Variants in TLE4 observed in about 807,000 individuals in gnomAD.
TLE4 encodes transducin-like enhancer protein 4.
Under a neutral mutation model 92.8 loss-of-function variants are expected in TLE4, and 8 were observed. The ratio of observed to expected loss-of-function variants is 0.09; its 90% CI spans 0.05 to 0.16. TLE4 has a LOEUF of 0.16. Among genes scored for constraint, TLE4 ranks in the 10% least tolerant of loss-of-function variants. The pLI is 1.00. For missense variants in TLE4, 675 were observed against 997.6 expected (o/e 0.68, Z 4.36); for synonymous variants, 371 against 374.1 (o/e 0.99, Z 0.10).
At position 79,616,747 on chromosome 9, in the gene TLE4, C is replaced by G. The variant is rs371924658; in HGVS notation, c.315+4029C>G. 1.0e-3 allele frequency among the ~76,000 whole-genome samples: 152 copies of G among 152,222 alleles called. No individual in the cohort carries two copies. The Middle Eastern group carries it at 0.02, about 20-fold the overall frequency. On this transcript the variant is annotated intron_variant, in intron 5 of 19. Transcript: ENST00000376552. ...TTCCAGTATCCCAGTAACAACTCCT[C>G]CTCCATCCCCCAATTCCAGGAACAT...
chr9:79,650,682 C>A (rs903025255), intron 6 of TLE4, among the ~76,000 whole-genome samples: 1 of 152,092 alleles, frequency 6.6e-6, no homozygotes, highest in Non-Finnish European at 1.5e-5. Flanking sequence ...CTCAAAACTA[C>A]CCAGTTAAGA....
Position 79,687,983 on chromosome 9 carries a change from G to A in TLE4, c.610-16800G>A, listed in dbSNP as rs141620646. ...CCCTCAGGAGATGCTGTTGGACAGT[G>A]GACCACACTTTTTTGAGTAGCAAGA... On this transcript the variant is annotated intron_variant, in intron 8 of 19. Coordinates refer to ENST00000376552, the MANE Select transcript of TLE4 (RefSeq NM_007005.6). Among the ~76,000 whole-genome samples the A allele has an allele frequency of 3.5e-3, 529 of 152,228 alleles. 3 individuals carry two copies. Among genetic ancestry groups the A allele is most frequent in the Admixed American group, 6.7e-3 (102 of 15,298 alleles).
chr9:79,693,535 A>T, intron 8 of TLE4: 2 of 399,136 alleles, frequency 5.0e-6, no homozygotes, highest in Non-Finnish European at 4.9e-6. Context: ...TATAAACCAT[A>T]AGACTTACCA....
At chr9:79,669,988 G>T (rs1336009620) in intron 8 of TLE4, among the ~76,000 whole-genome samples, 1 of 152,090 alleles carries the variant, frequency 6.6e-6, no homozygotes, top group African/African-American at 2.4e-5. Flanking sequence ...AATGGTAAAG[G>T]CCTAGATCTG....
chr9:79,692,321 C>T (rs1210025518), intron 8 of TLE4, among the ~76,000 whole-genome samples: 4 of 152,208 alleles, frequency 2.6e-5, no homozygotes, highest in Non-Finnish European at 5.9e-5. Flanking sequence ...GAAATTTTGA[C>T]TGTGGAGAAG....
intron 14 of TLE4, among the ~76,000 whole-genome samples, chr9:79,710,483 G>A (rs976987730): frequency 2.0e-5 from 3 of 151,992 alleles, no homozygotes; most frequent in African/African-American, 4.8e-5. Flanking sequence ...CTCTTTCTGT[G>A]GGCATCCCCT....
At chr9:79,611,820 G>T (rs1259340370) in intron 4 of TLE4, among the ~76,000 whole-genome samples, 1 of 151,368 alleles carries the variant, frequency 6.6e-6, no homozygotes, top group Admixed American at 6.6e-5. Flanking sequence ...ACATGTAGTG[G>T]TGGTTTTTCT....
chr9:79,624,554 A>C (rs558037121), intron 5 of TLE4, among the ~76,000 whole-genome samples: 1 of 152,214 alleles, frequency 6.6e-6, no homozygotes, highest in Non-Finnish European at 1.5e-5. Context: ...GCCATCAAAA[A>C]GAAGAAGCTG....
rs2036102589 is a variant in TLE4 at position 79,572,610 on chromosome 9, C to T, written c.-181C>T. On this transcript the variant is annotated 5_prime_UTR_variant, in exon 1 of 20. The change creates a premature stop within an existing upstream ORF in the 5' untranslated region. Transcript: ENST00000376552. ...GCGGAGCGGCCCGGCAGCCGGCACCCAGCCGCCGCCGCGCGTTCCTGCCGC... is the reference window on the plus strand; with the variant it reads ...GCGGAGCGGCCCGGCAGCCGGCACCTAGCCGCCGCCGCGCGTTCCTGCCGC... 3.5e-6 allele frequency: 1 copy of T among 286,600 alleles called. No individual in the cohort carries two copies. Among genetic ancestry groups the T allele is most frequent in the East Asian group, 7.3e-5 (1 of 13,720 alleles). The allele number at this position is 286,600 out of a possible 1,614,324, so 17.8% of individuals were successfully genotyped here.
intron 4 of TLE4, among the ~76,000 whole-genome samples, chr9:79,609,960 A>G (rs749453743): frequency 6.6e-6 from 1 of 152,114 alleles, no homozygotes; most frequent in East Asian, 1.9e-4. Flanking sequence ...ATCAGATGCA[A>G]TCAGAATTTC....
In TLE4 at chr9:79,722,570, C is replaced by T. The variant is rs775749598; in HGVS notation, c.2106C>T (p.Ser702=). 10 of 1,614,070 alleles carry T rather than the reference C, an allele frequency of 6.2e-6. No individual in the cohort carries two copies. The highest frequency in any genetic ancestry group is 8.5e-6 in the Non-Finnish European group (10 of 1,180,040). ...AATACCAACTACATCTTCATGAGAG[C>T]TGTGTGCTGTCGCTCAAGTTTGCCC... ...PDKYQLHLHE[S]CVLSLKFAHC... Residue 702 remains serine (S), a synonymous_variant, in exon 18 of 20, where the codon AGC becomes AGT. Transcript: ENST00000376552.
Position 79,633,407 on chromosome 9 carries a change from TGAGCC to T in TLE4, c.390+5960_390+5964del, listed in dbSNP as rs1236263050. On this transcript the variant is annotated intron_variant, in intron 6 of 19. Transcript: ENST00000376552. ...TACAATTTTTCTTTCTGTTTGGAGC[TGAGCC>T]ATCCTTTCCTTTCCCCCAGTGAATG... Among the ~76,000 whole-genome samples the T allele has an allele frequency of 3.3e-5, 5 of 152,306 alleles. No homozygotes were observed. The East Asian group carries it at 9.7e-4, about 29-fold the overall frequency.
chr9:79,573,710 C>T lies in TLE4; in HGVS notation c.67C>T (p.Pro23Ser), dbSNP rs1284497938. The T allele has an allele frequency of 2.5e-6, 4 of 1,607,388 alleles. No homozygotes were observed. In the African/African-American group the frequency reaches 5.3e-5, roughly 21 times the overall value. The change falls in exon 2 of 20, where the codon CCC becomes TCC. Residue 23 changes from proline (P) to serine (S), a missense_variant. Pro to Ser is a moderately conservative substitution (Grantham distance 74, BLOSUM62 -1). Around this residue, in one of 5 missense-constraint regions of TLE4, gnomAD observed 38 missense variants for 33.5 expected, o/e 1.14. Coordinates refer to ENST00000376552, the MANE Select transcript of TLE4 (RefSeq NM_007005.6). ...TCAGGCACCGCATCAGCCTGCTCAA[C>T]CCTTTAAATTTACAATTTCCGAATC... Reference protein sequence around the residue: ...RHPAPHQPAQPFKFTISESCD... With the variant: ...RHPAPHQPAQSFKFTISESCD...
chr9:79,674,793 C>T (rs968908422), intron 8 of TLE4, among the ~76,000 whole-genome samples: 2 of 152,090 alleles, frequency 1.3e-5, no homozygotes, highest in African/African-American at 4.8e-5. Context: ...CACACAGTCC[C>T]GTGCGTGTTT....
chr9:79,580,987 G>A (rs1564116378), intron 4 of TLE4, among the ~76,000 whole-genome samples: 1 of 152,112 alleles, frequency 6.6e-6, no homozygotes, highest in Non-Finnish European at 1.5e-5. Context: ...GTGTGTGGGG[G>A]TGGGAAGGGT....
chr9:79,680,395 A>AT (rs1196557755), intron 8 of TLE4, among the ~76,000 whole-genome samples: 1 of 152,176 alleles, frequency 6.6e-6, no homozygotes, highest in African/African-American at 2.4e-5. Flanking sequence ...ATTTGAAGCA[A>AT]TGGGAGTTCA....
intron 8 of TLE4, among the ~76,000 whole-genome samples, chr9:79,679,961 G>A (rs1490574021): frequency 6.6e-6 from 1 of 151,948 alleles, no homozygotes; most frequent in East Asian, 1.9e-4. Flanking sequence ...GCTCTGTTCT[G>A]TTCCATTGAT....
At chr9:79,622,540 T>C (rs2051287737) in intron 5 of TLE4, among the ~76,000 whole-genome samples, 1 of 152,186 alleles carries the variant, frequency 6.6e-6, no homozygotes, top group Admixed American at 6.5e-5. Context: ...CCCTGATAAA[T>C]GATTGGGTAG....
At chr9:79,680,049 G>A (rs1278530093) in intron 8 of TLE4, among the ~76,000 whole-genome samples, 5 of 151,654 alleles carry the variant, frequency 3.3e-5, no homozygotes, top group African/African-American at 9.7e-5. Flanking sequence ...GTCAGGTAGC[G>A]TGATGCCTCC....
Sources: gnomAD v4.1 joint callset for allele counts (sites outside exome capture counted in the v4.1 genomes callset) on GRCh38, gnomAD v4.1.1 for gene constraint, gnomAD v4.1.1 regional missense constraint, MANE v1.5 for transcripts, NCBI Gene and HGNC (gene_info 2026-07-23, HGNC 2026-07-21) for gene names.